The following GMPR variants were observed in gnomAD, a reference collection of about 807,000 sequenced individuals.
GMPR encodes GMP reductase 1.
In GMPR, 31 loss-of-function variants were observed where a neutral mutation model predicts 38.4. The observed-to-expected ratio is 0.81, with a 90% CI of 0.61 to 1.09. GMPR has a LOEUF of 1.09. Among genes scored for constraint, GMPR ranks in the 50% least tolerant of loss-of-function variants. The probability of loss-of-function intolerance (pLI) is 0.00; values close to 1 mark genes in which losing one functional copy is unlikely to be tolerated. For synonymous variants in GMPR, 162 were observed against 173.3 expected, an observed-to-expected ratio of 0.93 and a Z score of 0.51; for missense variants, 468 against 453.7, an observed-to-expected ratio of 1.03 and a Z score of -0.29.
Position 16,260,798 on chromosome 6 carries a change from G to A in GMPR, c.465+6063G>A, listed in dbSNP as rs192437222. On this transcript the variant is annotated intron_variant, in intron 4 of 8. Coordinates refer to ENST00000259727, the MANE Select transcript of GMPR (RefSeq NM_006877.4). ...GGCAAAGAAGGAAATATGGGGAAAT[G>A]GAGTGAATGTCAGGTGGATCAGAGA... Among the ~76,000 whole-genome samples the A allele has an allele frequency of 2.7e-3, 418 of 152,038 alleles. 6 individuals carry two copies. The highest frequency in any genetic ancestry group is 9.8e-3 in the African/African-American group (406 of 41,530).
chr6:16,260,927 G>A (rs929248632), intron 4 of GMPR, among the ~76,000 whole-genome samples: 2 of 152,066 alleles, frequency 1.3e-5, no homozygotes, highest in African/African-American at 4.8e-5. Flanking sequence ...CAAAGAGTGA[G>A]TACAGCTGAA....
At chr6:16,251,510 C>G (rs749750792) in intron 3 of GMPR, among the ~76,000 whole-genome samples, 2 of 152,192 alleles carry the variant, frequency 1.3e-5, no homozygotes, top group Non-Finnish European at 2.9e-5. Flanking sequence ...GCAGAGGTTG[C>G]AGTTAGCCAC....
chr6:16,253,461 G>A (rs1003436944), intron 3 of GMPR, among the ~76,000 whole-genome samples: 1 of 152,182 alleles, frequency 6.6e-6, no homozygotes, highest in Non-Finnish European at 1.5e-5. Context: ...GGAAGGCGAA[G>A]TGGGAGAGAG....
At chr6:16,278,377 C>T (rs755677775) in intron 5 of GMPR, among the ~76,000 whole-genome samples, 7 of 152,104 alleles carry the variant, frequency 4.6e-5, no homozygotes, top group African/African-American at 7.2e-5. Context: ...AAAGAAGCTA[C>T]GAGCCAGTGG....
chr6:16,266,362 T>G (rs1209314892), intron 4 of GMPR, among the ~76,000 whole-genome samples: 4 of 114,248 alleles, frequency 3.5e-5, no homozygotes, highest in Non-Finnish European at 5.2e-5. Flanking sequence ...GCTGTAACAC[T>G]CACTGTGAAA....
At chr6:16,239,733 G>T (rs1205683779) in intron 1 of GMPR, among the ~76,000 whole-genome samples, 4 of 152,268 alleles carry the variant, frequency 2.6e-5, no homozygotes, top group Non-Finnish European at 5.9e-5. Context: ...CAGCAAAGAA[G>T]TCCGCTGCCC....
intron 7 of GMPR, among the ~76,000 whole-genome samples, chr6:16,289,051 C>G (rs113741484): frequency 7.2e-5 from 11 of 152,306 alleles, no homozygotes; most frequent in Non-Finnish European, 1.3e-4. Context: ...ACCCTTCTGG[C>G]TCCTTTTCTT....
intron 4 of GMPR, chr6:16,262,171 A>G (rs1759099743): frequency 6.6e-6 from 1 of 151,584 alleles, no homozygotes; most frequent in Non-Finnish European, 1.5e-5. Context: ...AAGGGGACAG[A>G]CTTACCCTCC....
chr6:16,282,108 TTTATTTGCTGAA>T (rs1213152754), intron 6 of GMPR, among the ~76,000 whole-genome samples: 1 of 152,218 alleles, frequency 6.6e-6, no homozygotes, highest in African/African-American at 2.4e-5. Flanking sequence ...CATTTTACCC[TTTATTTGCTGAA>T]TTAGCACACT....
At chr6:16,292,358 G>C (rs2113350236) in intron 8 of GMPR, among the ~76,000 whole-genome samples, 1 of 152,120 alleles carries the variant, frequency 6.6e-6, no homozygotes, top group South Asian at 2.1e-4. Context: ...GGTTCTAGCG[G>C]ACTTACTTCA....
At chr6:16,284,583 C>T (rs181003301) in intron 6 of GMPR, among the ~76,000 whole-genome samples, 2 of 152,318 alleles carry the variant, frequency 1.3e-5, no homozygotes, top group Non-Finnish European at 2.9e-5. Flanking sequence ...TCCCCTTGCA[C>T]CATGGCTTTC....
intron 7 of GMPR, among the ~76,000 whole-genome samples, chr6:16,289,098 A>G (rs1021495343): frequency 3.9e-5 from 6 of 152,198 alleles, no homozygotes; most frequent in Admixed American, 6.5e-5. Context: ...TTTGCAATAG[A>G]TTCTGTTGCT....
chr6:16,278,839 C>T lies in GMPR; in HGVS notation c.603C>T (p.Ala201=), dbSNP rs1295651801. 13 of 1,613,950 alleles carry T rather than the reference C, an allele frequency of 8.1e-6. No homozygotes were observed. Among genetic ancestry groups the T allele is most frequent in the Middle Eastern group, 1.6e-4 (1 of 6,084 alleles). Residue 201 remains alanine, a synonymous_variant, in exon 6 of 9, where the codon GCC becomes GCT. Coordinates refer to ENST00000259727, the MANE Select transcript of GMPR (RefSeq NM_006877.4). Reference sequence around the variant, plus strand: ...GAGTGGGGTACCCCCAGCTGAGTGCCGTCATTGAGTGTGCCGACTCTGCCC... The same window carrying T: ...GAGTGGGGTACCCCCAGCTGAGTGCTGTCATTGAGTGTGCCGACTCTGCCC... ...KTGVGYPQLS[A]VIECADSAHG...
chr6:16,294,350 G>A (rs1185331299), intron 8 of GMPR, among the ~76,000 whole-genome samples: 2 of 152,136 alleles, frequency 1.3e-5, no homozygotes, highest in Non-Finnish European at 1.5e-5. Flanking sequence ...AGAAAGACAG[G>A]CAGGCTATCA....
chr6:16,255,003 C>A (rs149502610), intron 4 of GMPR, among the ~76,000 whole-genome samples: 9 of 151,760 alleles, frequency 5.9e-5, no homozygotes, highest in Non-Finnish European at 7.4e-5. Flanking sequence ...TTCTTACTAT[C>A]TGATACTTTT....
At chr6:16,241,739 A>G (rs1242500597) in intron 1 of GMPR, among the ~76,000 whole-genome samples, 3 of 152,100 alleles carry the variant, frequency 2.0e-5, no homozygotes, top group Non-Finnish European at 4.4e-5. Context: ...GTAAGAATGT[A>G]CTTATTTATT....
At chr6:16,243,994 G>A (rs1758707919) in intron 1 of GMPR, among the ~76,000 whole-genome samples, 1 of 152,094 alleles carries the variant, frequency 6.6e-6, no homozygotes, top group African/African-American at 2.4e-5. Flanking sequence ...TTTCCTCTGT[G>A]CACACATAAG....
At chr6:16,294,825 C>G (rs1759906948) in intron 8 of GMPR, among the ~76,000 whole-genome samples, 181 bp from the exon 9 acceptor site, 1 of 152,188 alleles carries the variant, frequency 6.6e-6, no homozygotes, top group Admixed American at 6.5e-5. Flanking sequence ...ATGTGTTCAT[C>G]TGAGATGCTG....
At chr6:16,257,438 C>T (rs1029649066) in intron 4 of GMPR, among the ~76,000 whole-genome samples, 2 of 152,196 alleles carry the variant, frequency 1.3e-5, no homozygotes, top group African/African-American at 4.8e-5. Context: ...AGATTCACCA[C>T]ATTGCTTTAT....
Sources: gnomAD v4.1 joint callset for allele counts (sites outside exome capture counted in the v4.1 genomes callset) on GRCh38, gnomAD v4.1.1 for gene constraint, MANE v1.5 for transcripts, NCBI Gene and HGNC (gene_info 2026-07-23, HGNC 2026-07-21) for gene names.